Variants in MTTP observed in about 807,000 individuals in gnomAD.
MTTP encodes microsomal triglyceride transfer protein large subunit.
MTTP carries 49 observed loss-of-function variants against 90.6 expected under a neutral mutation model. The observed-to-expected ratio is 0.54, with a 90% CI of 0.43 to 0.69. The LOEUF (loss-of-function observed/expected upper bound fraction) is 0.69. MTTP is among the 30% of genes least tolerant of loss of function. MTTP has a pLI of 0.00. For missense variants in MTTP, 945 were observed against 1,067.5 expected (o/e 0.89, Z 1.60); for synonymous variants, 347 against 384.2 (o/e 0.90, Z 1.13).
At chr4:99,583,827 C>T (rs912943789) in intron 3 of MTTP, 12 of 521,832 alleles carry the variant, frequency 2.3e-5, no homozygotes, top group Non-Finnish European at 3.4e-5. Context: ...GGATTACAAA[C>T]GTAATGTAAC....
At chr4:99,599,867 GGTA>G (rs1357872264) in intron 8 of MTTP, among the ~76,000 whole-genome samples, 1 of 151,994 alleles carries the variant, frequency 6.6e-6, no homozygotes, top group Non-Finnish European at 1.5e-5. Flanking sequence ...CTTATATAGG[GGTA>G]GTATGTAATA....
chr4:99,577,102 A>G (rs1322195372), intron 1 of MTTP, among the ~76,000 whole-genome samples: 4 of 152,156 alleles, frequency 2.6e-5, no homozygotes, highest in African/African-American at 9.7e-5. Context: ...TTTTTGCATT[A>G]TGGTACCATG....
chr4:99,569,016 C>T (rs540998683), intron 1 of MTTP, among the ~76,000 whole-genome samples: 69 of 152,172 alleles, frequency 4.5e-4, no homozygotes, highest in African/African-American at 1.3e-3. Flanking sequence ...CATAGCATTT[C>T]CTTCCAAAGA....
intron 3 of MTTP, among the ~76,000 whole-genome samples, chr4:99,587,246 C>G (rs1343667218): frequency 6.6e-6 from 1 of 152,082 alleles, no homozygotes; most frequent in African/African-American, 2.4e-5. Flanking sequence ...CTTTGGATCT[C>G]ATCAGTCTAC....
chr4:99,590,857 ACACAC>A (rs770558839), intron 4 of MTTP, among the ~76,000 whole-genome samples: 2 of 151,030 alleles, frequency 1.3e-5, no homozygotes, highest in African/African-American at 4.9e-5. Context: ...ACACACACAC[ACACAC>A]ACCACACACA....
intron 1 of MTTP, 25 bp downstream of exon 1, chr4:99,574,995 A>C: frequency 6.2e-7 from 1 of 1,613,044 alleles, no homozygotes; most frequent in Non-Finnish European, 8.5e-7. Flanking sequence ...CCTTTTGCTA[A>C]ACTTTAATTT....
chr4:99,611,549 G>A (rs1282637420), intron 14 of MTTP, 96 bp downstream of exon 14: 5 of 1,492,814 alleles, frequency 3.3e-6, no homozygotes, highest in Non-Finnish European at 4.6e-6. Context: ...GCTATAGAAT[G>A]TATAAGTTAA....
rs1323319754 is a variant in MTTP, at chr4:99,623,622, G to C, written c.*774G>C. 4 of 152,364 alleles carry C rather than the reference G, an allele frequency of 2.6e-5. No homozygotes were observed. The highest frequency in any genetic ancestry group is 4.8e-5 in the African/African-American group (2 of 41,400). The allele number at this position is 152,364 out of a possible 1,614,324, so 9.4% of individuals were successfully genotyped here. ...TTTTTCTTTTGCTGTGTCTTTTTGA[G>C]ACTGTAATATGGTACACTGTCCTCT... On this transcript the variant is annotated 3_prime_UTR_variant, in exon 18 of 18. Coordinates refer to ENST00000265517, the MANE Select transcript of MTTP (RefSeq NM_001386140.1).
In MTTP at chr4:99,611,333, T is replaced by C. The variant is rs770733647; in HGVS notation, c.1869T>C (p.Arg623=). Residue 623 remains arginine (R), a splice_region_variant and synonymous_variant, in exon 14 of 18, where the codon CGT becomes CGC. Coordinates refer to ENST00000265517, the MANE Select transcript of MTTP (RefSeq NM_001386140.1). ...SSSAYTGYIE[R]SPRSASTYSL... The stretch of plus-strand genomic sequence containing the variant: ...ATTACAGTTATTGTGTGTCATCAGG[T>C]AGTCCCCGTTCGGCATCTACTTACA... 1.2e-5 allele frequency: 19 copies of C among 1,614,000 alleles called. No homozygotes were observed. In the East Asian group the frequency reaches 1.6e-4, roughly 13 times the overall value.
At chr4:99,612,809 T>A in intron 14 of MTTP, 104 bp from the exon 15 acceptor site, 1 of 1,068,934 alleles carries the variant, frequency 9.4e-7, no homozygotes, top group South Asian at 1.3e-5. Context: ...AATATTTAAG[T>A]TTTTGGCCCC....
At chr4:99,588,030 C>T (rs1371879636) in intron 3 of MTTP, among the ~76,000 whole-genome samples, 1 of 152,074 alleles carries the variant, frequency 6.6e-6, no homozygotes, top group Non-Finnish European at 1.5e-5. Context: ...AGTCTAATGA[C>T]TAAAACTGAT....
chr4:99,584,661 A>G (rs1725214099), intron 3 of MTTP, among the ~76,000 whole-genome samples: 3 of 152,150 alleles, frequency 2.0e-5, no homozygotes, highest in Admixed American at 2.0e-4. Context: ...CATTTCTGTC[A>G]TAAAGTTCAT....
chr4:99,588,984 T>TATATATGTTCATATATATACACAC (rs1725335394), intron 3 of MTTP, among the ~76,000 whole-genome samples: 1 of 22,956 alleles, frequency 4.4e-5, no homozygotes, highest in Non-Finnish European at 6.9e-5. Context: ...TATACACACA[T>TATATATGTTCATATATATACACAC]ATATATATGT....
chr4:99,566,271 A>G (rs1228809512), intron 1 of MTTP, among the ~76,000 whole-genome samples: 1 of 144,214 alleles, frequency 6.9e-6, no homozygotes, highest in Non-Finnish European at 1.5e-5. Flanking sequence ...CCTGGGTGAC[A>G]GAGTGATACT....
rs535274716 is a variant in MTTP, at chr4:99,594,595, G to T, written c.759-138G>T. On this transcript the variant is annotated intron_variant, in intron 6 of 17. Transcript: ENST00000265517. Reference sequence around the variant, plus strand: ...CATAATGAGCTTTCAGTTACCTCTGGAGATATCACAGTTTGAAAGACATGG... The same window carrying T: ...CATAATGAGCTTTCAGTTACCTCTGTAGATATCACAGTTTGAAAGACATGG... 9 of 920,646 alleles carry T rather than the reference G, an allele frequency of 9.8e-6. No homozygotes were observed. The Admixed American group carries it at 1.8e-4, about 18-fold the overall frequency. The allele number at this position is 920,646 out of a possible 1,614,324, so 57.0% of individuals were successfully genotyped here. A position where few individuals can be genotyped will look rare whatever the true frequency, so the allele number is the denominator to read the frequency against.
Position 99,611,452 on chromosome 4 carries a change from A to G in MTTP, c.1988A>G (p.Gln663Arg), listed in dbSNP as rs754362046. The change falls in exon 14 of 18, where the codon CAG becomes CGG. Residue 663 changes from glutamine to arginine, a missense_variant and splice_region_variant. Physicochemically the swap from Gln to Arg is conservative, Grantham distance 43. Coordinates refer to ENST00000265517, the MANE Select transcript of MTTP (RefSeq NM_001386140.1). ...GGGAAGGCTGGTCTTCACGGTAGCC[A>G]GGTAACTCACTTCTCATGGATTTTG... Reference protein sequence around the residue: ...YIGKAGLHGSQVVIEAQGLEA... With the variant: ...YIGKAGLHGSRVVIEAQGLEA... The G allele has an allele frequency of 3.7e-6, 6 of 1,614,094 alleles. No homozygotes were observed. The highest frequency in any genetic ancestry group is 3.3e-5 in the South Asian group (3 of 91,086).
intron 15 of MTTP, among the ~76,000 whole-genome samples, chr4:99,614,836 T>C (rs1726059557): frequency 6.6e-6 from 1 of 152,232 alleles, no homozygotes; most frequent in South Asian, 2.1e-4. Context: ...AGAGAAGCTT[T>C]TGAACATAGT....
At chr4:99,564,346 C>A in intron 1 of MTTP, 1 of 1,041,346 alleles carries the variant, frequency 9.6e-7, no homozygotes, top group South Asian at 1.9e-5. Flanking sequence ...ACATCTCTTG[C>A]CTATATTATT....
At chr4:99,613,878 G>A (rs1397872526) in intron 15 of MTTP, among the ~76,000 whole-genome samples, 1 of 152,172 alleles carries the variant, frequency 6.6e-6, no homozygotes, top group Non-Finnish European at 1.5e-5. Context: ...AAAAACAGAA[G>A]AGGGTTAATC....
Sources: allele counts gnomAD v4.1 joint callset (sites outside exome capture counted in the v4.1 genomes callset), GRCh38; gene constraint gnomAD v4.1.1; transcripts MANE v1.5; gene names NCBI Gene and HGNC (gene_info 2026-07-23, HGNC 2026-07-21).